The following ACSM3 variants were observed in gnomAD, a reference collection of about 807,000 sequenced individuals.
The protein encoded by ACSM3 is acyl-CoA synthetase medium chain family member 3, also known as acyl-coenzyme A synthetase ACSM3, mitochondrial.
ACSM3 carries 61 observed loss-of-function variants against 74.1 expected under a neutral mutation model. That is an observed-to-expected ratio of 0.82 (90% confidence interval 0.67 to 1.02). The LOEUF is 1.02. ACSM3 is among the 50% of genes least tolerant of loss of function. ACSM3 has a pLI of 0.00. For missense variants in ACSM3, 660 were observed against 697.0 expected (o/e 0.95, Z 0.60); for synonymous variants, 213 against 241.5 (o/e 0.88, Z 1.09).
chr16:20,758,681 G>T (rs1170579300), intron 3 of ACSM3, among the ~76,000 whole-genome samples: 1 of 151,840 alleles, frequency 6.6e-6, no homozygotes, highest in Non-Finnish European at 1.5e-5. Flanking sequence ...GCTTTTGAAT[G>T]TGTTTGCTCT....
At chr16:20,737,339 T>C (rs1255536386) in intron 1 of ACSM3, 57 of 1,518,656 alleles carry the variant, frequency 3.8e-5, no homozygotes, top group Middle Eastern at 1.8e-4. Context: ...TTACATCTGA[T>C]AGATACAAAA....
chr16:20,692,596 G>A (rs1203660292), intron 1 of ACSM3, among the ~76,000 whole-genome samples: 1 of 152,162 alleles, frequency 6.6e-6, no homozygotes, highest in East Asian at 1.9e-4. Context: ...TTAGTTGATT[G>A]TCTCCTGGAT....
At chr16:20,715,552 C>T (rs551968995) in intron 1 of ACSM3, among the ~76,000 whole-genome samples, 5 of 151,980 alleles carry the variant, frequency 3.3e-5, no homozygotes, top group African/African-American at 9.6e-5. Context: ...TGCAGTGAAC[C>T]GAGATTACAC....
chr16:20,772,499 C>T (rs1333450850), intron 2 of ACSM3, among the ~76,000 whole-genome samples: 1 of 152,094 alleles, frequency 6.6e-6, no homozygotes, highest in Non-Finnish European at 1.5e-5. Flanking sequence ...TTGAGTCTTA[C>T]ATTTAAGTCT....
rs570396450 is a variant in ACSM3 at position 20,691,540 on chromosome 16, T to C, written c.-190+16718T>C. Among the ~76,000 whole-genome samples the C allele has an allele frequency of 1.4e-4, 22 of 152,240 alleles. 1 individual carries two copies. Among genetic ancestry groups the C allele is most frequent in the African/African-American group, 5.1e-4 (21 of 41,546 alleles). ...AGCCATATGGTCATCCCTTTTGTGGTAGAGCAACTCGCCTTTTGGAAAGTT... is the reference window on the plus strand; with the variant it reads ...AGCCATATGGTCATCCCTTTTGTGGCAGAGCAACTCGCCTTTTGGAAAGTT... On this transcript the variant is annotated intron_variant, in intron 1 of 3. Coordinates refer to the ACSM3 transcript ENST00000561584.
chr16:20,698,772 G>T (rs2079703880), intron 1 of ACSM3: 1 of 152,140 alleles, frequency 6.6e-6, no homozygotes. Flanking sequence ...GCCTCCTAAA[G>T]TGCTGGGATT....
At position 20,691,751 on chromosome 16, in the gene ACSM3, A is replaced by ATGTGTGTGTG. The variant is rs59929923; in HGVS notation, c.-190+16975_-190+16984dup. Among the ~76,000 whole-genome samples the ATGTGTGTGTG allele has an allele frequency of 1.3e-3, 175 of 134,086 alleles. 4 individuals are homozygous for ATGTGTGTGTG. The highest frequency in any genetic ancestry group is 0.011 in the East Asian group (44 of 4,168). The allele number at this position is 134,086 out of a possible 152,430, so 88.0% of individuals were successfully genotyped here. On this transcript the variant is annotated intron_variant, in intron 1 of 3. Transcript: ENST00000561584. ...CTGGGCCAATCATAATACCTCTCCA[A>ATGTGTGTGTG]TGTGTGTGTGTGTGTGTGTGTGTGT... is the stretch of plus-strand genomic sequence containing the variant.
intron 1 of ACSM3, chr16:20,737,766 C>G: frequency 6.2e-7 from 1 of 1,613,812 alleles, no homozygotes; most frequent in Non-Finnish European, 8.5e-7. Context: ...GAGATTTGTA[C>G]ACAATCTGAA....
chr16:20,684,998 A>G (rs1002763989), intron 1 of ACSM3, among the ~76,000 whole-genome samples: 3 of 152,130 alleles, frequency 2.0e-5, no homozygotes, highest in Non-Finnish European at 4.4e-5. Flanking sequence ...CAGAGAAGAG[A>G]AATTGTTTTG....
At chr16:20,721,927 A>G (rs569559550) in intron 1 of ACSM3, 2 of 152,326 alleles carry the variant, frequency 1.3e-5, no homozygotes, top group South Asian at 4.1e-4. Flanking sequence ...AAAATAACTA[A>G]ATATTTGAAA....
At chr16:20,712,569 T>C (rs1432543313) in intron 1 of ACSM3, among the ~76,000 whole-genome samples, 1 of 151,812 alleles carries the variant, frequency 6.6e-6, no homozygotes, top group Admixed American at 6.6e-5. Context: ...ATATTAATGG[T>C]ATTATTCTTC....
At chr16:20,793,540 A>C (rs761582592) in intron 12 of ACSM3, among the ~76,000 whole-genome samples, 1 of 152,172 alleles carries the variant, frequency 6.6e-6, no homozygotes, top group Non-Finnish European at 1.5e-5. Flanking sequence ...TGGAGGGTGG[A>C]TCTCCCCCCA....
At chr16:20,745,832 C>T (rs1332349206) in intron 1 of ACSM3, among the ~76,000 whole-genome samples, 1 of 152,064 alleles carries the variant, frequency 6.6e-6, no homozygotes, top group African/African-American at 2.4e-5. Context: ...AGTACAGAAC[C>T]CAGGTAGGAG....
chr16:20,693,825 T>C (rs2079675674), intron 1 of ACSM3, among the ~76,000 whole-genome samples: 1 of 152,236 alleles, frequency 6.6e-6, no homozygotes, highest in Non-Finnish European at 1.5e-5. Context: ...CCCAAAGTCA[T>C]GATGCAATTT....
intron 3 of ACSM3, 123 bp downstream of exon 3, chr16:20,776,172 AT>A: frequency 9.2e-7 from 1 of 1,081,674 alleles, no homozygotes; most frequent in Non-Finnish European, 1.3e-6. Context: ...GTGCCTTTAA[AT>A]TATATAAAAG....
intron 1 of ACSM3, chr16:20,690,934 G>A: frequency 6.6e-7 from 1 of 1,518,662 alleles, no homozygotes; most frequent in Non-Finnish European, 8.9e-7. Flanking sequence ...AGCCTAGTAG[G>A]AGCAAGATAA....
chr16:20,710,706 T>G (rs1198364801), intron 1 of ACSM3, among the ~76,000 whole-genome samples: 2 of 152,152 alleles, frequency 1.3e-5, no homozygotes, highest in Non-Finnish European at 2.9e-5. Flanking sequence ...AAAACTCACT[T>G]TGGAGACCAT....
intron 1 of ACSM3, among the ~76,000 whole-genome samples, chr16:20,694,159 CT>C (rs2079677573): frequency 6.6e-6 from 1 of 152,216 alleles, no homozygotes; most frequent in South Asian, 2.1e-4. Context: ...TCTCCTCTAC[CT>C]TTGCCTCTTT....
chr16:20,772,229 G>A (rs1294893899), intron 2 of ACSM3, among the ~76,000 whole-genome samples: 1 of 151,750 alleles, frequency 6.6e-6, no homozygotes, highest in Non-Finnish European at 1.5e-5. Context: ...TTCCTTTACT[G>A]TCCAGAAGCT....
Sources: gnomAD v4.1 joint callset for allele counts (sites outside exome capture counted in the v4.1 genomes callset) on GRCh38, gnomAD v4.1.1 for gene constraint, MANE v1.5 for transcripts, NCBI Gene and HGNC (gene_info 2026-07-23, HGNC 2026-07-21) for gene names.